Variants in CSMD1 observed in about 807,000 individuals in gnomAD.
The protein encoded by CSMD1 is CUB and sushi domain-containing protein 1.
CSMD1 carries 213 observed loss-of-function variants against 417.5 expected under a neutral mutation model. The observed-to-expected ratio is 0.51, with a 90% CI of 0.46 to 0.57. The LOEUF (loss-of-function observed/expected upper bound fraction) is 0.57, where lower values mean the gene tolerates loss of function less well. Among genes scored for constraint, CSMD1 ranks in the 20% least tolerant of loss-of-function variants. CSMD1 has a pLI of 0.00. For missense variants in CSMD1, 6,923 were observed against 4,529.7 expected, an observed-to-expected ratio of 1.53 and a Z score of -15.17; for synonymous variants, 2,862 against 1,736.8, an observed-to-expected ratio of 1.65 and a Z score of -16.11.
At position 3,092,741 on chromosome 8, in the gene CSMD1, C is replaced by T. The variant is rs184649913; in HGVS notation, c.7139-1079G>A. The stretch of plus-strand genomic sequence containing the variant: ...TTGCCCTCATCACCATAACCCAAAA[C>T]CATTTTTCAGGAGAAATTGCTTCAT... On this transcript the variant is annotated intron_variant, in intron 47 of 69. Transcript: ENST00000635120. Among the ~76,000 whole-genome samples the T allele has an allele frequency of 9.7e-4, 148 of 152,282 alleles. 1 individual carries two copies. The highest frequency in any genetic ancestry group is 4.0e-3 in the Admixed American group (61 of 15,298).
At chr8:4,934,408 A>T (rs1035694032) in intron 1 of CSMD1, among the ~76,000 whole-genome samples, 2 of 152,198 alleles carry the variant, frequency 1.3e-5, no homozygotes, top group Non-Finnish European at 2.9e-5. Flanking sequence ...ATAATTCAGG[A>T]AGGCATTCTA....
intron 5 of CSMD1, among the ~76,000 whole-genome samples, chr8:3,857,280 T>C (rs1161633438): frequency 6.6e-6 from 1 of 152,150 alleles, no homozygotes; most frequent in African/African-American, 2.4e-5. Context: ...ATCTTTAAAC[T>C]GGGCCTTTAG....
At chr8:4,329,783 G>C (rs112593164) in intron 3 of CSMD1, among the ~76,000 whole-genome samples, 2 of 151,972 alleles carry the variant, frequency 1.3e-5, no homozygotes, top group African/African-American at 4.8e-5. Flanking sequence ...TTGGTGATGA[G>C]TGAGCTTTTG....
At chr8:3,200,561 A>AT (rs1243308432) in intron 32 of CSMD1, among the ~76,000 whole-genome samples, 1 of 146,694 alleles carries the variant, frequency 6.8e-6, no homozygotes, top group African/African-American at 2.5e-5. Context: ...TTTGTCTCAA[A>AT]AAAAAATAAT....
intron 5 of CSMD1, among the ~76,000 whole-genome samples, chr8:3,950,918 T>A (rs542077360): frequency 6.6e-6 from 1 of 152,164 alleles, no homozygotes; most frequent in African/African-American, 2.4e-5. Context: ...GGAAAACCAA[T>A]ATTCATAATA....
chr8:4,645,444 CAAAAAAA>C (rs549511320), intron 1 of CSMD1, among the ~76,000 whole-genome samples: 3 of 36,856 alleles, frequency 8.1e-5, no homozygotes, highest in African/African-American at 1.1e-4. Context: ...AGTGCAGGGG[CAAAAAAA>C]AAAAAAAAAA....
intron 1 of CSMD1, among the ~76,000 whole-genome samples, chr8:4,983,701 G>A (rs553865752): frequency 1.4e-4 from 21 of 151,386 alleles, no homozygotes; most frequent in Admixed American, 2.0e-4. Flanking sequence ...TTTTTTTTTC[G>A]TATTTTTGGT....
At chr8:4,398,834 T>A (rs1349555423) in intron 3 of CSMD1, among the ~76,000 whole-genome samples, 2 of 152,234 alleles carry the variant, frequency 1.3e-5, no homozygotes, top group African/African-American at 4.8e-5. Context: ...CTTTTCAAGG[T>A]CTTTTTATGT....
At chr8:3,435,041 G>C (rs537037061) in intron 12 of CSMD1, among the ~76,000 whole-genome samples, 4 of 152,288 alleles carry the variant, frequency 2.6e-5, no homozygotes, top group East Asian at 3.9e-4. Flanking sequence ...GCTGGTAGCA[G>C]AGAGGACAGA....
chr8:3,604,348 C>T (rs895057788), intron 8 of CSMD1, among the ~76,000 whole-genome samples: 20 of 152,078 alleles, frequency 1.3e-4, no homozygotes, highest in African/African-American at 3.1e-4. Context: ...GGAAGTAGCA[C>T]GGAACAGGTA....
rs191563802 is a variant in CSMD1 at position 4,412,862 on chromosome 8, C to G, written c.415+7091G>C. Among the ~76,000 whole-genome samples the G allele has an allele frequency of 1.5e-4, 23 of 152,180 alleles. No individual in the cohort carries two copies. In the South Asian group the frequency reaches 2.3e-3, roughly 15 times the overall value. ...TGTAATGGAAGAATGCCTGCTCAAA[C>G]AAGGAATTCAGAACAAGAAAAAGAA... On this transcript the variant is annotated intron_variant, in intron 3 of 69. Coordinates refer to ENST00000635120, the MANE Select transcript of CSMD1 (RefSeq NM_033225.6).
rs558877839 is a variant in CSMD1 at position 3,998,194 on chromosome 8, T to A, written c.611-84A>T. On this transcript the variant is annotated intron_variant, in intron 4 of 69. Coordinates refer to ENST00000635120, the MANE Select transcript of CSMD1 (RefSeq NM_033225.6). ...TGTGTCCACCAAGTGTCACTCTTGA[T>A]CAGCGACAAATATTTTCTGAACCCA... 5 of 1,237,384 alleles carry A rather than the reference T, an allele frequency of 4.0e-6. 1 individual carries two copies. In the South Asian group the frequency reaches 5.9e-5, roughly 15 times the overall value. The allele number at this position is 1,237,384 out of a possible 1,614,324, so 76.7% of individuals were successfully genotyped here. A position where few individuals can be genotyped will look rare whatever the true frequency, so the allele number is the denominator to read the frequency against.
At chr8:4,683,514 G>A (rs2725075) in intron 1 of CSMD1, among the ~76,000 whole-genome samples, 112,453 of 152,098 alleles carry the variant, frequency 0.74, 42,795 homozygotes, top group African/African-American at 0.92. Flanking sequence ...TCCCATCTCT[G>A]TAAGGGATTG....
At chr8:4,513,366 C>G (rs969235882) in intron 2 of CSMD1, among the ~76,000 whole-genome samples, 1 of 152,022 alleles carries the variant, frequency 6.6e-6, no homozygotes, top group South Asian at 2.1e-4. Context: ...GCTACTATAG[C>G]GATGCTAATT....
chr8:3,845,915 A>C (rs1480348135), intron 5 of CSMD1, among the ~76,000 whole-genome samples: 1 of 152,042 alleles, frequency 6.6e-6, no homozygotes, highest in Non-Finnish European at 1.5e-5. Flanking sequence ...AGTGATCATC[A>C]ATATCACTAT....
Position 3,903,880 on chromosome 8 carries a change from A to AT in CSMD1, c.818+94022dup, listed in dbSNP as rs758884646. ...TAGGGAGTCATTGCCATATATATAT[A>AT]TTTTTTTACCTCCACAGGACACGTG... On this transcript the variant is annotated intron_variant, in intron 5 of 69. Coordinates refer to ENST00000635120, the MANE Select transcript of CSMD1 (RefSeq NM_033225.6). Among the ~76,000 whole-genome samples the AT allele has an allele frequency of 1.2e-3, 178 of 147,942 alleles. 1 individual carries two copies. The highest frequency in any genetic ancestry group is 1.4e-3 in the Non-Finnish European group (93 of 67,892).
At chr8:3,464,341 CTTG>C (rs1450420664) in intron 12 of CSMD1, among the ~76,000 whole-genome samples, 1 of 152,144 alleles carries the variant, frequency 6.6e-6, no homozygotes, top group Non-Finnish European at 1.5e-5. Context: ...AAGTTTGCTT[CTTG>C]TTAACTTCCT....
chr8:3,425,114 C>G (rs1013592147), intron 12 of CSMD1, among the ~76,000 whole-genome samples: 1 of 152,180 alleles, frequency 6.6e-6, no homozygotes, highest in Non-Finnish European at 1.5e-5. Context: ...CGCCACCATG[C>G]TTGTCCTATT....
chr8:4,291,068 G>C (rs1797332435), intron 3 of CSMD1, among the ~76,000 whole-genome samples: 3 of 152,072 alleles, frequency 2.0e-5, no homozygotes, highest in African/African-American at 7.2e-5. Context: ...AATAATAATG[G>C]AATTTCCTGT....
Sources: gnomAD v4.1 joint callset for allele counts (sites outside exome capture counted in the v4.1 genomes callset) on GRCh38, gnomAD v4.1.1 for gene constraint, MANE v1.5 for transcripts, NCBI Gene and HGNC (gene_info 2026-07-23, HGNC 2026-07-21) for gene names.